Variants in CORIN observed in about 807,000 individuals in gnomAD.
CORIN encodes the protein atrial natriuretic peptide-converting enzyme.
In CORIN, 117 loss-of-function variants were observed where a neutral mutation model predicts 125.3. The ratio of observed to expected loss-of-function variants is 0.93; its 90% CI spans 0.80 to 1.09. The LOEUF (loss-of-function observed/expected upper bound fraction) is 1.09. Ranked by LOEUF, CORIN falls within the 50% of genes least tolerant of loss-of-function variation. The probability of loss-of-function intolerance (pLI) is 0.00; values close to 1 mark genes in which losing one functional copy is unlikely to be tolerated. For synonymous variants in CORIN, 450 were observed against 466.4 expected, an observed-to-expected ratio of 0.96 and a Z score of 0.45; for missense variants, 1,253 against 1,306.7, an observed-to-expected ratio of 0.96 and a Z score of 0.63.
Position 47,763,574 on chromosome 4 carries a change from T to G in CORIN, c.422A>C (p.Asn141Thr), listed in dbSNP as rs1351466587. 1 of 1,614,042 alleles carries G rather than the reference T, an allele frequency of 6.2e-7. No homozygotes were observed. Among genetic ancestry groups the G allele is most frequent in the South Asian group, 1.1e-5 (1 of 91,072 alleles). The change falls in exon 4 of 22, where the codon AAC becomes ACC. Residue 141 changes from asparagine to threonine, a missense_variant. By Grantham distance (65) the Asn-to-Thr change is moderately conservative. Coordinates refer to ENST00000273857, the MANE Select transcript of CORIN (RefSeq NM_006587.4). ...QSHRNTSACM[N>T]ITHSQCQMLP... The stretch of plus-strand genomic sequence containing the variant: ...CATCTGACACTGGCTGTGGGTGATG[T>G]TCATACAGGCACCTGGGAAGTAAAG...
intron 2 of CORIN, among the ~76,000 whole-genome samples, chr4:47,802,360 C>G (rs1731581870): frequency 6.6e-6 from 1 of 152,230 alleles, no homozygotes; most frequent in African/African-American, 2.4e-5. Flanking sequence ...TGGACCTGCC[C>G]TGGGCCAGAG....
chr4:47,736,793 T>C (rs1019237751), intron 5 of CORIN, among the ~76,000 whole-genome samples: 2 of 152,196 alleles, frequency 1.3e-5, no homozygotes, highest in Non-Finnish European at 2.9e-5. Context: ...GTGCTACACA[T>C]GTGACCACTG....
chr4:47,664,112 C>G (rs1724367129), intron 11 of CORIN, among the ~76,000 whole-genome samples: 1 of 152,158 alleles, frequency 6.6e-6, no homozygotes, highest in Non-Finnish European at 1.5e-5. Flanking sequence ...CGCATTTAGG[C>G]CAGCACATTT....
chr4:47,600,139 G>C, intron 21 of CORIN, 75 bp downstream of exon 21: 1 of 1,315,220 alleles, frequency 7.6e-7, no homozygotes, highest in Non-Finnish European at 1.0e-6. Flanking sequence ...AGGGCCATAC[G>C]TAATAATGAG....
intron 5 of CORIN, among the ~76,000 whole-genome samples, chr4:47,707,779 G>C (rs752430896): frequency 6.6e-6 from 1 of 152,204 alleles, no homozygotes; most frequent in Non-Finnish European, 1.5e-5. Context: ...TGACCCTACA[G>C]GACCAGGGGT....
chr4:47,776,843 A>G (rs1390612166), intron 3 of CORIN, among the ~76,000 whole-genome samples: 1 of 152,244 alleles, frequency 6.6e-6, no homozygotes, highest in Non-Finnish European at 1.5e-5. Flanking sequence ...AAAATGAAGC[A>G]GTTTAATCTG....
intron 5 of CORIN, among the ~76,000 whole-genome samples, chr4:47,724,536 A>C (rs1465680432): frequency 6.6e-6 from 1 of 152,286 alleles, no homozygotes; most frequent in Admixed American, 6.5e-5. Context: ...CAAGAACCTA[A>C]ATCTTTGGAA....
chr4:47,735,171 T>C (rs1334431386), intron 5 of CORIN, among the ~76,000 whole-genome samples: 1 of 152,246 alleles, frequency 6.6e-6, no homozygotes, highest in Non-Finnish European at 1.5e-5. Context: ...TTACACTTTT[T>C]AGTAACTATG....
At chr4:47,777,586 G>A (rs1287284076) in intron 3 of CORIN, among the ~76,000 whole-genome samples, 9 of 152,112 alleles carry the variant, frequency 5.9e-5, no homozygotes, top group East Asian at 1.9e-4. Context: ...TGCCAAGATC[G>A]CGCCATTGCA....
chr4:47,798,013 A>G (rs1731374600), intron 2 of CORIN, among the ~76,000 whole-genome samples: 1 of 152,130 alleles, frequency 6.6e-6, no homozygotes. Context: ...TTATTTTTCA[A>G]TTTCTCTTTG....
At chr4:47,753,957 G>T (rs564796820) in intron 4 of CORIN, among the ~76,000 whole-genome samples, 1 of 152,150 alleles carries the variant, frequency 6.6e-6, no homozygotes, top group African/African-American at 2.4e-5. Flanking sequence ...ATGTTTCTCT[G>T]CCACGGCTCC....
intron 3 of CORIN, among the ~76,000 whole-genome samples, chr4:47,775,489 A>G (rs754521936): frequency 2.0e-5 from 3 of 151,960 alleles, no homozygotes; most frequent in Non-Finnish European, 2.9e-5. Context: ...TGTCCTTGCG[A>G]TAGTTTGCTG....
chr4:47,620,559 A>C (rs1289674322), intron 19 of CORIN, among the ~76,000 whole-genome samples: 1 of 152,134 alleles, frequency 6.6e-6, no homozygotes, highest in Non-Finnish European at 1.5e-5. Context: ...TTCATAATGC[A>C]CTAACAGGGG....
At chr4:47,802,959 G>A (rs1262636645) in intron 2 of CORIN, among the ~76,000 whole-genome samples, 1 of 152,092 alleles carries the variant, frequency 6.6e-6, no homozygotes, top group African/African-American at 2.4e-5. Context: ...GAAAAAGAAC[G>A]AGAGTCTCGG....
At chr4:47,748,133 G>A (rs2109843519) in intron 4 of CORIN, among the ~76,000 whole-genome samples, 2 of 152,232 alleles carry the variant, frequency 1.3e-5, no homozygotes, top group East Asian at 3.9e-4. Flanking sequence ...AAATAGTGAT[G>A]GGGTATTAAT....
intron 19 of CORIN, among the ~76,000 whole-genome samples, chr4:47,612,297 G>A (rs1223337757): frequency 1.3e-5 from 2 of 152,104 alleles, no homozygotes; most frequent in African/African-American, 2.4e-5. Context: ...AGGGCCATTC[G>A]CCTCTCAGCT....
chr4:47,801,768 C>T (rs1309959694), intron 2 of CORIN, among the ~76,000 whole-genome samples: 1 of 152,218 alleles, frequency 6.6e-6, no homozygotes, highest in Non-Finnish European at 1.5e-5. Context: ...CAGCGAGCCT[C>T]ACCACTGCAG....
chr4:47,705,242 A>G (rs1487262814), intron 5 of CORIN, among the ~76,000 whole-genome samples: 1 of 152,154 alleles, frequency 6.6e-6, no homozygotes, highest in Non-Finnish European at 1.5e-5. Flanking sequence ...TGTCTTTTAA[A>G]TCTATAGCTT....
chr4:47,751,005 G>A (rs752550977), intron 4 of CORIN, among the ~76,000 whole-genome samples: 9 of 152,200 alleles, frequency 5.9e-5, no homozygotes, highest in Non-Finnish European at 1.2e-4. Flanking sequence ...CATCTGGTGG[G>A]ACTGTTTACA....
Sources: gnomAD v4.1 joint callset for allele counts (sites outside exome capture counted in the v4.1 genomes callset) on GRCh38, gnomAD v4.1.1 for gene constraint, MANE v1.5 for transcripts, NCBI Gene and HGNC (gene_info 2026-07-23, HGNC 2026-07-21) for gene names.